Variants in LGSN observed in about 807,000 individuals in gnomAD.
LGSN encodes the protein lengsin, lens protein with glutamine synthetase domain, also known as lengsin.
LGSN carries 21 observed loss-of-function variants against 19.5 expected under a neutral mutation model. The ratio of observed to expected loss-of-function variants is 1.07; its 90% CI spans 0.76 to 1.55. The LOEUF (loss-of-function observed/expected upper bound fraction) is 1.55, where lower values mean the gene tolerates loss of function less well. Ranked by LOEUF, LGSN falls within the 40% of genes most tolerant of loss-of-function variation. The probability of loss-of-function intolerance (pLI) is 0.00; values close to 1 mark genes in which losing one functional copy is unlikely to be tolerated. For missense variants in LGSN, 673 were observed against 608.5 expected (o/e 1.11, Z -1.12); for synonymous variants, 257 against 215.6 (o/e 1.19, Z -1.68).
chr6:63,309,662 C>A (rs1473484940), intron 1 of LGSN, among the ~76,000 whole-genome samples: 4 of 152,116 alleles, frequency 2.6e-5, no homozygotes, highest in Admixed American at 6.6e-5. Flanking sequence ...GGAATGGTTA[C>A]ATCTAGCTAA....
At chr6:63,530,324 GC>G in the LGSN span, among the ~76,000 whole-genome samples, 2 of 152,140 alleles carry the variant, frequency 1.3e-5, no homozygotes, top group African/African-American at 4.8e-5. Context: ...GACAAAGCCA[GC>G]CTGAGAAAAA....
At chr6:63,544,912 G>T in the LGSN span, among the ~76,000 whole-genome samples, 7 of 152,074 alleles carry the variant, frequency 4.6e-5, no homozygotes, top group Non-Finnish European at 7.4e-5. Context: ...TACAATTAAT[G>T]TCTCCGAAGA....
At chr6:63,519,550 T>A in the LGSN span, among the ~76,000 whole-genome samples, 1 of 152,154 alleles carries the variant, frequency 6.6e-6, no homozygotes, top group Admixed American at 6.6e-5. Context: ...CTAATAAGGG[T>A]AAAGACACCA....
chr6:63,477,353 T>C, the LGSN span, among the ~76,000 whole-genome samples: 1 of 152,212 alleles, frequency 6.6e-6, no homozygotes, highest in Admixed American at 6.5e-5. Context: ...TAATCATTCT[T>C]CTTTTGTTCT....
chr6:63,405,952 G>T, the LGSN span, among the ~76,000 whole-genome samples: 3 of 151,992 alleles, frequency 2.0e-5, no homozygotes, highest in African/African-American at 7.3e-5. Context: ...AATGGTAAAG[G>T]GATCAATTCA....
chr6:63,498,879 A>C, the LGSN span, among the ~76,000 whole-genome samples: 1 of 152,010 alleles, frequency 6.6e-6, no homozygotes, highest in Non-Finnish European at 1.5e-5. Context: ...TAGAAAGCAA[A>C]CCCGATGGTG....
At chr6:63,420,648 G>T in the LGSN span, among the ~76,000 whole-genome samples, 2 of 152,118 alleles carry the variant, frequency 1.3e-5, no homozygotes, top group African/African-American at 4.8e-5. Context: ...TTGCTGCAGG[G>T]TTATCAGCAA....
the LGSN span, among the ~76,000 whole-genome samples, chr6:63,432,694 A>T: frequency 6.7e-6 from 1 of 149,786 alleles, no homozygotes; most frequent in Admixed American, 6.7e-5. Context: ...TCTGTCTCGA[A>T]AAAAAAAAAA....
At chr6:63,417,156 A>T in the LGSN span, among the ~76,000 whole-genome samples, 1 of 152,156 alleles carries the variant, frequency 6.6e-6, no homozygotes, top group South Asian at 2.1e-4. Flanking sequence ...GGAAGAAAAG[A>T]CATACTTCTT....
At chr6:63,390,792 G>A in the LGSN span, among the ~76,000 whole-genome samples, 5 of 149,828 alleles carry the variant, frequency 3.3e-5, no homozygotes, top group South Asian at 4.2e-4. Context: ...CCCGGGGGAC[G>A]GAGCCTGCAG....
At chr6:63,365,372 C>A in the LGSN span, among the ~76,000 whole-genome samples, 3 of 152,088 alleles carry the variant, frequency 2.0e-5, no homozygotes, top group Non-Finnish European at 4.4e-5. Context: ...ACACACCCTA[C>A]CAAGACTAAT....
At chr6:63,451,109 C>G in the LGSN span, among the ~76,000 whole-genome samples, 1 of 151,872 alleles carries the variant, frequency 6.6e-6, no homozygotes, top group Admixed American at 6.6e-5. Flanking sequence ...AAAAAGACAG[C>G]TAAATGAAAA....
the LGSN span, among the ~76,000 whole-genome samples, chr6:63,442,337 T>C: frequency 6.6e-6 from 1 of 152,228 alleles, no homozygotes; most frequent in Non-Finnish European, 1.5e-5. Flanking sequence ...AAAGGGGACC[T>C]GACCGGGTTG....
At chr6:63,363,101 C>T in the LGSN span, among the ~76,000 whole-genome samples, 22 of 152,174 alleles carry the variant, frequency 1.4e-4, no homozygotes, top group Admixed American at 1.3e-4. Flanking sequence ...AGTGGACCTC[C>T]AGCAAACTCC....
At chr6:63,370,019 AAGAAGG>A in the LGSN span, among the ~76,000 whole-genome samples, 2 of 152,046 alleles carry the variant, frequency 1.3e-5, no homozygotes, top group Non-Finnish European at 2.9e-5. Context: ...GAAGAAGAAG[AAGAAGG>A]AGAAGGAGAA....
chr6:63,389,177 T>C, the LGSN span, among the ~76,000 whole-genome samples: 1 of 152,162 alleles, frequency 6.6e-6, no homozygotes, highest in Non-Finnish European at 1.5e-5. Flanking sequence ...AGTAAGTAAA[T>C]TGCTCAGAGT....
chr6:63,440,681 C>A, the LGSN span: 25 of 152,202 alleles, frequency 1.6e-4, no homozygotes, highest in Non-Finnish European at 3.4e-4. Context: ...GGGTGGGGGC[C>A]CGCTGAACTG....
intron 1 of LGSN, among the ~76,000 whole-genome samples, chr6:63,305,035 T>A (rs1768325076): frequency 6.6e-6 from 1 of 152,152 alleles, no homozygotes; most frequent in Non-Finnish European, 1.5e-5. Context: ...ACTGAACTCT[T>A]GCATTAGACC....
chr6:63,309,063 G>A (rs1278350756), intron 1 of LGSN, among the ~76,000 whole-genome samples: 1 of 152,164 alleles, frequency 6.6e-6, no homozygotes. Flanking sequence ...TAGTAAAAAT[G>A]TGAAAGTAGC....
Sources: gnomAD v4.1 joint callset for allele counts (sites outside exome capture counted in the v4.1 genomes callset) on GRCh38, gnomAD v4.1.1 for gene constraint, MANE v1.5 for transcripts, NCBI Gene and HGNC (gene_info 2026-07-23, HGNC 2026-07-21) for gene names.